Variants in TENM1 observed in about 807,000 individuals in gnomAD.
TENM1 encodes the protein teneurin transmembrane protein 1, also known as teneurin-1.
In TENM1, 35 loss-of-function variants were observed where a neutral mutation model predicts 174.8. The ratio of observed to expected loss-of-function variants is 0.20; its 90% CI spans 0.15 to 0.27. The LOEUF is 0.27. Ranked by LOEUF, TENM1 falls within the 10% of genes least tolerant of loss-of-function variation. TENM1 has a pLI of 1.00. For missense variants in TENM1, 1,633 were observed against 2,130.1 expected (o/e 0.77, Z 4.59); for synonymous variants, 781 against 798.7 (o/e 0.98, Z 0.37).
intron 22 of TENM1, among the ~76,000 whole-genome samples, chrX:124,479,143 T>C (rs2046793800): frequency 1.8e-5 from 2 of 112,416 alleles, no homozygotes; most frequent in South Asian, 3.7e-4. Flanking sequence ...TGAGTTATTA[T>C]AAAGATCACT....
chrX:124,807,644 C>T (rs1470057317), intron 3 of TENM1, among the ~76,000 whole-genome samples: 1 of 110,478 alleles, frequency 9.1e-6, no homozygotes, highest in East Asian at 2.8e-4. Flanking sequence ...AAGTGGTATG[C>T]AATATAAAAA....
chrX:124,602,902 T>C (rs1260448635), intron 11 of TENM1, among the ~76,000 whole-genome samples: 1 of 111,536 alleles, frequency 9.0e-6, no homozygotes, highest in Non-Finnish European at 1.9e-5. Flanking sequence ...AAAGGGTTTT[T>C]GCAAATGTAA....
upstream of TENM1, among the ~76,000 whole-genome samples, chrX:124,965,309 C>G (rs5956716): frequency 0.028 from 3,108 of 111,462 alleles, 103 homozygotes; most frequent in African/African-American, 0.097. Context: ...TCGATCTCCT[C>G]ACCTCGTGAT....
intron 3 of TENM1, among the ~76,000 whole-genome samples, chrX:124,811,745 T>A (rs1229685390): frequency 9.0e-6 from 1 of 111,365 alleles, no homozygotes. Context: ...TTCACAATAG[T>A]CAAGATATGA....
intron 3 of TENM1, among the ~76,000 whole-genome samples, chrX:124,847,110 T>C: frequency 9.0e-6 from 1 of 110,917 alleles, no homozygotes; most frequent in Middle Eastern, 4.6e-3. Context: ...GTTGAACATA[T>C]CTGTACAGGT....
chrX:124,885,886 T>G (rs1347372906), intron 3 of TENM1, among the ~76,000 whole-genome samples: 2 of 111,340 alleles, frequency 1.8e-5, no homozygotes, highest in Non-Finnish European at 3.8e-5. Flanking sequence ...CTGCACACAT[T>G]CAAATTGTGA....
At chrX:124,875,369 T>C (rs1226044035) in intron 3 of TENM1, among the ~76,000 whole-genome samples, 5 of 110,928 alleles carry the variant, frequency 4.5e-5, no homozygotes, top group Non-Finnish European at 9.4e-5. Flanking sequence ...CCAACTAGCT[T>C]ACTAAATTCT....
At chrX:124,493,507 A>G (rs2047117009) in intron 20 of TENM1, among the ~76,000 whole-genome samples, 1 of 111,701 alleles carries the variant, frequency 9.0e-6, no homozygotes, top group Non-Finnish European at 1.9e-5. Flanking sequence ...AGGGTTAACT[A>G]TGTAGACTCA....
chrX:124,695,435 A>T (rs2052625487), intron 5 of TENM1, among the ~76,000 whole-genome samples: 2 of 110,953 alleles, frequency 1.8e-5, no homozygotes, highest in East Asian at 2.8e-4. Flanking sequence ...TGATTTGGGG[A>T]GGGAAACGCA....
At chrX:124,400,690 G>T (rs1454897732) in intron 27 of TENM1, among the ~76,000 whole-genome samples, 1 of 111,992 alleles carries the variant, frequency 8.9e-6, no homozygotes, top group African/African-American at 3.3e-5. Context: ...CCAAAGCTGG[G>T]ATACATCTCA....
chrX:125,067,093 C>T, the TENM1 span, among the ~76,000 whole-genome samples: 2 of 110,823 alleles, frequency 1.8e-5, no homozygotes, highest in Non-Finnish European at 3.8e-5. Context: ...GAGTGATTTG[C>T]AAATGTAATT....
the TENM1 span, among the ~76,000 whole-genome samples, chrX:125,109,614 T>C: frequency 4.5e-5 from 5 of 111,184 alleles, no homozygotes; most frequent in East Asian, 1.4e-3. Flanking sequence ...CTAGGCATAC[T>C]TCATGGGACA....
chrX:124,803,806 T>G (rs1437120687), intron 3 of TENM1, among the ~76,000 whole-genome samples: 1 of 112,087 alleles, frequency 8.9e-6, no homozygotes, highest in Non-Finnish European at 1.9e-5. Flanking sequence ...CCATAATAAA[T>G]TCTCAATATT....
chrX:124,610,299 T>C (rs1000887132), intron 11 of TENM1, among the ~76,000 whole-genome samples: 1 of 112,279 alleles, frequency 8.9e-6, no homozygotes, highest in Admixed American at 9.4e-5. Context: ...AAGTAATTCT[T>C]CCATGCAATA....
intron 25 of TENM1, among the ~76,000 whole-genome samples, chrX:124,408,376 CAT>C (rs1218742484): frequency 1.6e-5 from 1 of 61,376 alleles, no homozygotes; most frequent in Non-Finnish European, 3.3e-5. Context: ...CTCCTGGCCT[CAT>C]GTGATTCCCC....
At chrX:124,572,979 A>G (rs1384792975) in intron 11 of TENM1, among the ~76,000 whole-genome samples, 2 of 111,422 alleles carry the variant, frequency 1.8e-5, no homozygotes, top group Non-Finnish European at 3.8e-5. Context: ...TAAATATCCC[A>G]TCATAGAGCT....
chrX:124,843,345 T>C (rs1226918921), intron 3 of TENM1, among the ~76,000 whole-genome samples: 1 of 111,920 alleles, frequency 8.9e-6, no homozygotes, highest in East Asian at 2.8e-4. Context: ...TGCCAAGCAT[T>C]CTGCTCATCT....
chrX:124,462,955 T>C (rs1355907090), intron 22 of TENM1, among the ~76,000 whole-genome samples: 3 of 111,480 alleles, frequency 2.7e-5, no homozygotes, highest in Non-Finnish European at 5.6e-5. Flanking sequence ...TTAGTGATGA[T>C]TGGAATATGG....
chrX:125,168,845 C>T, the TENM1 span, among the ~76,000 whole-genome samples: 1 of 110,979 alleles, frequency 9.0e-6, no homozygotes, highest in East Asian at 2.8e-4. Flanking sequence ...TGCAGCTTTG[C>T]GAGACTGAGC....
Sources: allele counts gnomAD v4.1 joint callset (sites outside exome capture counted in the v4.1 genomes callset), GRCh38; gene constraint gnomAD v4.1.1; transcripts MANE v1.5; gene names NCBI Gene and HGNC (gene_info 2026-07-23, HGNC 2026-07-21).